The following RSRC1 variants were observed in gnomAD, a reference collection of about 807,000 sequenced individuals.
RSRC1 encodes the protein arginine and serine rich coiled-coil 1, also known as serine/Arginine-related protein 53.
In RSRC1, 39 loss-of-function variants were observed where a neutral mutation model predicts 49.1. The ratio of observed to expected loss-of-function variants is 0.79; its 90% CI spans 0.61 to 1.04. RSRC1 has a LOEUF of 1.04. Ranked by LOEUF, RSRC1 falls within the 50% of genes least tolerant of loss-of-function variation. The pLI, the probability that RSRC1 is intolerant of heterozygous loss-of-function variation, is 0.00. For synonymous variants in RSRC1, 143 were observed against 130.8 expected (o/e 1.09, Z -0.63); for missense variants, 388 against 402.4 (o/e 0.96, Z 0.31).
intron 3 of RSRC1, among the ~76,000 whole-genome samples, chr3:158,146,217 G>C (rs936498780): frequency 2.0e-5 from 3 of 152,196 alleles, no homozygotes; most frequent in African/African-American, 7.2e-5. Context: ...AGTTTTCAAA[G>C]GGAATGCTTC....
Position 158,543,380 on chromosome 3 carries a change from C to A in RSRC1, c.805C>A (p.Pro269Thr), listed in dbSNP as rs749460826. 5.6e-6 allele frequency: 9 copies of A among 1,597,376 alleles called. 1 individual carries two copies. The South Asian group carries it at 8.0e-5, about 14-fold the overall frequency. Residue 269 changes from proline to threonine, a missense_variant, in exon 9 of 10, where the codon CCA becomes ACA. Physicochemically the swap from Pro to Thr is conservative, Grantham distance 38. Transcript: ENST00000611884. ...GAAACAAGCAACTTCAACATCAGGA[C>A]CAGCATCAGCAGTTGCTGATCCACC... ...EVKQATSTSGPASAVADPPST... is the reference protein window; with the variant it reads ...EVKQATSTSGTASAVADPPST...
At chr3:158,471,104 A>G (rs956282690) in intron 7 of RSRC1, among the ~76,000 whole-genome samples, 7 of 152,366 alleles carry the variant, frequency 4.6e-5, no homozygotes, top group Middle Eastern at 3.4e-3. Context: ...TGCTGGCCCT[A>G]GCCCCAAGAG....
At chr3:158,483,707 AGTTT>A (rs1738706192) in intron 7 of RSRC1, among the ~76,000 whole-genome samples, 2 of 152,200 alleles carry the variant, frequency 1.3e-5, no homozygotes, top group South Asian at 4.1e-4. Context: ...GACAAATTTA[AGTTT>A]GTTCATTTAA....
At chr3:158,504,755 C>A (rs561371409) in intron 7 of RSRC1, among the ~76,000 whole-genome samples, 27 of 152,244 alleles carry the variant, frequency 1.8e-4, no homozygotes, top group African/African-American at 6.5e-4. Context: ...TATATAAATA[C>A]AAAATCTTGA....
At chr3:158,208,418 C>T (rs1721470887) in intron 4 of RSRC1, among the ~76,000 whole-genome samples, 1 of 152,132 alleles carries the variant, frequency 6.6e-6, no homozygotes, top group African/African-American at 2.4e-5. Context: ...GGCTGGAGTG[C>T]AGGGATGTGA....
At chr3:158,126,538 T>C (rs957083731) in intron 3 of RSRC1, among the ~76,000 whole-genome samples, 2 of 152,180 alleles carry the variant, frequency 1.3e-5, no homozygotes, top group Admixed American at 6.5e-5. Context: ...ATTGTATCCA[T>C]TAATATAGCT....
intron 4 of RSRC1, among the ~76,000 whole-genome samples, chr3:158,227,186 A>G (rs1418553436): frequency 6.6e-6 from 1 of 151,794 alleles, no homozygotes; most frequent in African/African-American, 2.4e-5. Context: ...TTCAGAATAC[A>G]TGCTGTATAC....
At chr3:158,238,593 C>T (rs1422052849) in intron 4 of RSRC1, among the ~76,000 whole-genome samples, 1 of 152,106 alleles carries the variant, frequency 6.6e-6, no homozygotes, top group Non-Finnish European at 1.5e-5. Flanking sequence ...CTTTGACAAA[C>T]CTGACAAAAA....
At chr3:158,403,498 G>T (rs1351426826) in intron 6 of RSRC1, among the ~76,000 whole-genome samples, 2 of 151,666 alleles carry the variant, frequency 1.3e-5, no homozygotes, top group African/African-American at 4.8e-5. Context: ...TAAAAAGGAT[G>T]TGCTCATTAA....
chr3:158,287,675 T>C (rs1341948098), intron 4 of RSRC1, among the ~76,000 whole-genome samples: 1 of 152,142 alleles, frequency 6.6e-6, no homozygotes, highest in Non-Finnish European at 1.5e-5. Flanking sequence ...TTACAATATA[T>C]AGTAGTGAAA....
At chr3:158,350,950 A>G (rs1730838703) in intron 5 of RSRC1, among the ~76,000 whole-genome samples, 1 of 152,184 alleles carries the variant, frequency 6.6e-6, no homozygotes, top group Non-Finnish European at 1.5e-5. Context: ...GTAACTAAAA[A>G]TGGGTTGGTA....
In RSRC1 at chr3:158,511,073, A is replaced by G. The variant is rs374509203; in HGVS notation, c.653-26019A>G. Among the ~76,000 whole-genome samples the G allele has an allele frequency of 2.7e-5, 4 of 150,792 alleles. No individual in the cohort carries two copies. The East Asian group carries it at 5.8e-4, about 22-fold the overall frequency. ...TAGTATCTGTTAATAAACTTTCACA[A>G]TTTACTCCCTAAAGAATTGGCACCT... On this transcript the variant is annotated intron_variant, in intron 7 of 9. Coordinates refer to ENST00000611884, the MANE Select transcript of RSRC1 (RefSeq NM_001271838.2).
chr3:158,282,824 A>G lies in RSRC1; in HGVS notation c.495-15215A>G, dbSNP rs530210520. On this transcript the variant is annotated intron_variant, in intron 4 of 9. Transcript: ENST00000611884. ...TGAGAAGAGTTACATATTGGCAGAA[A>G]ATTGTTAGCCAGGTAAGGTAGATTA... Among the ~76,000 whole-genome samples, 6 of 152,306 alleles carry G rather than the reference A, an allele frequency of 3.9e-5. 1 individual carries two copies. In the South Asian group the frequency reaches 1.2e-3, roughly 32 times the overall value.
intron 4 of RSRC1, chr3:158,275,859 G>A: frequency 1.7e-6 from 1 of 586,914 alleles, no homozygotes; most frequent in South Asian, 1.7e-5. Flanking sequence ...CAAGCTGCCT[G>A]GCTAGAACCA....
chr3:158,175,233 T>G (rs1719133199), intron 3 of RSRC1, among the ~76,000 whole-genome samples: 1 of 152,098 alleles, frequency 6.6e-6, no homozygotes, highest in South Asian at 2.1e-4. Context: ...AAACCCTTTG[T>G]TGATATTATT....
chr3:158,252,665 A>G lies in RSRC1; in HGVS notation c.495-45374A>G, dbSNP rs116665088. 2.3e-3 allele frequency among the ~76,000 whole-genome samples: 356 copies of G among 152,324 alleles called. 3 individuals carry two copies. Among genetic ancestry groups the G allele is most frequent in the Non-Finnish European group, 4.5e-3 (305 of 68,024 alleles). On this transcript the variant is annotated intron_variant, in intron 4 of 9. Transcript: ENST00000611884. ...TTGGAAAAATTTGAGTAGGATTGGA[A>G]TAAGTTCTTTACATGTTTGGTAAAT... is the stretch of plus-strand genomic sequence containing the variant.
intron 6 of RSRC1, among the ~76,000 whole-genome samples, chr3:158,398,566 C>T (rs1733728644): frequency 1.3e-5 from 2 of 152,064 alleles, no homozygotes; most frequent in Admixed American, 1.3e-4. Context: ...ATTACTTTTG[C>T]ATTGGGGATT....
chr3:158,303,023 C>T (rs913458603), intron 5 of RSRC1: 1 of 152,096 alleles, frequency 6.6e-6, no homozygotes, highest in Non-Finnish European at 1.5e-5. Context: ...TGAGTAGTGA[C>T]ACTTATTGGA....
intron 4 of RSRC1, among the ~76,000 whole-genome samples, chr3:158,221,764 G>A (rs556763921): frequency 6.3e-4 from 96 of 151,546 alleles, no homozygotes; most frequent in Admixed American, 1.1e-3. Flanking sequence ...CTTCAAAATA[G>A]GGAAGCCTAC....
Sources: allele counts gnomAD v4.1 joint callset (sites outside exome capture counted in the v4.1 genomes callset), GRCh38; gene constraint gnomAD v4.1.1; transcripts MANE v1.5; gene names NCBI Gene and HGNC (gene_info 2026-07-23, HGNC 2026-07-21).